USP49: variants seen among roughly 807,000 people sequenced by gnomAD.
USP49 encodes the protein ubiquitin specific peptidase 49, also known as ubiquitin carboxyl-terminal hydrolase 49.
USP49 carries 24 observed loss-of-function variants against 58.6 expected under a neutral mutation model. The observed-to-expected ratio is 0.41, with a 90% CI of 0.30 to 0.58. The LOEUF is 0.58. Ranked by LOEUF, USP49 falls within the 20% of genes least tolerant of loss-of-function variation. The probability of loss-of-function intolerance (pLI) is 0.30; values close to 1 mark genes in which losing one functional copy is unlikely to be tolerated. For missense variants in USP49, 703 were observed against 866.1 expected (o/e 0.81, Z 2.36); for synonymous variants, 408 against 365.1 (o/e 1.12, Z -1.34).
intron 2 of USP49, among the ~76,000 whole-genome samples, chr6:41,886,098 T>G (rs996039693): frequency 2.0e-5 from 3 of 152,236 alleles, no homozygotes; most frequent in Non-Finnish European, 2.9e-5. Context: ...TGACCATATT[T>G]AACTTTTTTA....
At chr6:41,829,242 AGG>A (rs1773593298) in intron 3 of USP49, among the ~76,000 whole-genome samples, 1 of 152,202 alleles carries the variant, frequency 6.6e-6, no homozygotes, top group African/African-American at 2.4e-5. Context: ...TTGAATCAAA[AGG>A]TTGCTGATCT....
intron 3 of USP49, among the ~76,000 whole-genome samples, chr6:41,840,326 A>T (rs925378975): frequency 6.6e-6 from 1 of 150,932 alleles, no homozygotes; most frequent in Non-Finnish European, 1.5e-5. Context: ...GTGAGCCGAG[A>T]TTACACCACT....
rs193297893 is a variant in USP49 at position 41,848,757 on chromosome 6, A to G, written c.-29+22807T>C. On this transcript the variant is annotated intron_variant, in intron 3 of 7. Transcript: ENST00000682992. ...GTAGTCCCAGCTACTTGGGAGGCTGAGGCAGGAGAATGGTGTGAACCCGGG... is the reference window on the plus strand; with the variant it reads ...GTAGTCCCAGCTACTTGGGAGGCTGGGGCAGGAGAATGGTGTGAACCCGGG... Among the ~76,000 whole-genome samples, 908 of 151,550 alleles carry G rather than the reference A, an allele frequency of 6.0e-3. 4 individuals carry two copies. The highest frequency in any genetic ancestry group is 0.02 in the African/African-American group (822 of 41,336).
At chr6:41,876,356 AT>A (rs1774505044) in intron 2 of USP49, among the ~76,000 whole-genome samples, 1 of 152,156 alleles carries the variant, frequency 6.6e-6, no homozygotes, top group African/African-American at 2.4e-5. Flanking sequence ...AGAATGACAT[AT>A]TTTTAAGTCA....
intron 3 of USP49, chr6:41,869,764 G>C (rs1315431411): frequency 2.0e-5 from 3 of 151,308 alleles, no homozygotes; most frequent in African/African-American, 4.8e-5. Flanking sequence ...CTTCAAAATA[G>C]ATTGACAGAA....
chr6:41,800,149 G>A (rs1044296453), intron 5 of USP49, among the ~76,000 whole-genome samples: 1 of 152,168 alleles, frequency 6.6e-6, no homozygotes, highest in Non-Finnish European at 1.5e-5. Context: ...TGGCTAAGAT[G>A]AAAGGAATGA....
chr6:41,821,235 T>G (rs1364048915), intron 3 of USP49, among the ~76,000 whole-genome samples: 5 of 152,174 alleles, frequency 3.3e-5, no homozygotes, highest in Non-Finnish European at 7.4e-5. Context: ...TTTTTCTCAG[T>G]AGTGTTAGTC....
chr6:41,888,296 C>G (rs890434302), intron 2 of USP49, among the ~76,000 whole-genome samples: 4 of 152,030 alleles, frequency 2.6e-5, no homozygotes, highest in Non-Finnish European at 5.9e-5. Flanking sequence ...CTCAAGTGAT[C>G]CACCTGCCTC....
At chr6:41,831,206 A>G (rs1000074818) in intron 3 of USP49, among the ~76,000 whole-genome samples, 9 of 152,176 alleles carry the variant, frequency 5.9e-5, no homozygotes, top group African/African-American at 2.2e-4. Flanking sequence ...CCTAACCAAC[A>G]TGGTGAAACC....
At chr6:41,826,692 ACT>A (rs1773544064) in intron 3 of USP49, among the ~76,000 whole-genome samples, 1 of 152,218 alleles carries the variant, frequency 6.6e-6, no homozygotes, top group Non-Finnish European at 1.5e-5. Context: ...TGCTAAAAAT[ACT>A]AAAACCCTGA....
At chr6:41,816,454 GTCTGTAATTACATCTCTGT>G (rs1773352082) in intron 3 of USP49, among the ~76,000 whole-genome samples, 1 of 152,024 alleles carries the variant, frequency 6.6e-6, no homozygotes, top group Admixed American at 6.6e-5. Flanking sequence ...TGCTTCCTGT[GTCTGTAATTACATCTCTGT>G]TTTCAGGTCT....
chr6:41,811,917 T>G (rs891539544), intron 3 of USP49, among the ~76,000 whole-genome samples: 2 of 152,112 alleles, frequency 1.3e-5, no homozygotes, highest in African/African-American at 4.8e-5. Flanking sequence ...TGCAGACAAT[T>G]CCTGTTTCTC....
intron 3 of USP49, among the ~76,000 whole-genome samples, chr6:41,857,903 GAC>G (rs1185762488): frequency 1.3e-5 from 2 of 152,208 alleles, no homozygotes; most frequent in African/African-American, 4.8e-5. Flanking sequence ...GTTAAGTACA[GAC>G]ACAGTCAAAG....
chr6:41,790,389 G>A lies in USP49; in HGVS notation c.*6144C>T, dbSNP rs965521114. On this transcript the variant is annotated 3_prime_UTR_variant, in exon 8 of 8. Coordinates refer to ENST00000682992, the MANE Select transcript of USP49 (RefSeq NM_001286554.2). ...AATTCATGGTAGTGCTACTGTCCAG[G>A]GTTTGGGGGCTCTTTGGAAATGGAG... 2 of 152,162 alleles carry A rather than the reference G, an allele frequency of 1.3e-5. No homozygotes were observed. Among genetic ancestry groups the A allele is most frequent in the African/African-American group, 4.8e-5 (2 of 41,418 alleles). 9.4% of individuals were successfully genotyped at this position (152,162 alleles called of 1,614,324 possible). A position where few individuals can be genotyped will look rare whatever the true frequency, so the allele number is the denominator to read the frequency against.
At chr6:41,814,019 G>A (rs1292166574) in intron 3 of USP49, among the ~76,000 whole-genome samples, 2 of 152,082 alleles carry the variant, frequency 1.3e-5, no homozygotes, top group Non-Finnish European at 2.9e-5. Context: ...GTTTCCCTTC[G>A]TATTCTCAAA....
rs1772860995 is a variant in USP49 at position 41,794,873 on chromosome 6, A to T, written c.*1660T>A. 6.6e-6 allele frequency: 1 copy of T among 152,298 alleles called. No individual in the cohort carries two copies. Among genetic ancestry groups the T allele is most frequent in the South Asian group, 2.1e-4 (1 of 4,822 alleles). The allele number at this position is 152,298 out of a possible 1,614,324, so 9.4% of individuals were successfully genotyped here. A position where few individuals can be genotyped will look rare whatever the true frequency, so the allele number is the denominator to read the frequency against. ...CACTCCTTCCCTATCAGGGTGAGCCATTTTTTGTCTGAATTTCCTCCATGT... is the reference window on the plus strand; with the variant it reads ...CACTCCTTCCCTATCAGGGTGAGCCTTTTTTTGTCTGAATTTCCTCCATGT... On this transcript the variant is annotated 3_prime_UTR_variant, in exon 8 of 8. Transcript: ENST00000682992.
chr6:41,868,284 A>G (rs1416542640), intron 3 of USP49, among the ~76,000 whole-genome samples: 5 of 152,222 alleles, frequency 3.3e-5, no homozygotes, highest in Non-Finnish European at 7.3e-5. Flanking sequence ...CTGACACACA[A>G]TACATACTAG....
In USP49 at chr6:41,806,756, A is replaced by G. The variant is rs762971680; in HGVS notation, c.228T>C (p.Cys76=). Residue 76 remains cysteine (C), a synonymous_variant, in exon 4 of 8, where the codon TGT becomes TGC. Coordinates refer to ENST00000682992, the MANE Select transcript of USP49 (RefSeq NM_001286554.2). This position sits in a 1 kb window ranked among gnomAD's most constrained non-coding sequence, Gnocchi z 5.9. The part of the protein sequence containing the change: ...AMEVRDLYVF[C]YLCKDYVLND... ...TGAGCACGTAGTCCTTGCACAGGTA[A>G]CAGAACACGTAGAGATCCCGGACTT... The G allele has an allele frequency of 1.9e-6, 3 of 1,614,200 alleles. No individual in the cohort carries two copies. The highest frequency in any genetic ancestry group is 2.5e-6 in the Non-Finnish European group (3 of 1,180,008).
At chr6:41,883,701 TA>T (rs1174538988) in intron 2 of USP49, among the ~76,000 whole-genome samples, 2 of 152,134 alleles carry the variant, frequency 1.3e-5, no homozygotes, top group East Asian at 3.8e-4. Context: ...GAAATGTGGA[TA>T]ATACCAAGTG....
Sources: gnomAD v4.1 joint callset for allele counts (sites outside exome capture counted in the v4.1 genomes callset) on GRCh38, gnomAD v4.1.1 for gene constraint, Gnocchi (gnomAD v3.1) non-coding constraint, MANE v1.5 for transcripts, NCBI Gene and HGNC (gene_info 2026-07-23, HGNC 2026-07-21) for gene names.